Variants in KLF17 observed in about 807,000 individuals in gnomAD.
KLF17 encodes KLF transcription factor 17.
KLF17 carries 31 observed loss-of-function variants against 34.2 expected under a neutral mutation model. That is an observed-to-expected ratio of 0.91 (90% CI 0.68 to 1.22). KLF17 has a LOEUF of 1.22. KLF17 is among the 50% of genes most tolerant of loss of function. The pLI is 0.00. For synonymous variants in KLF17, 179 were observed against 186.7 expected, an observed-to-expected ratio of 0.96 and a Z score of 0.34; for missense variants, 478 against 505.2, an observed-to-expected ratio of 0.95 and a Z score of 0.52.
chr1:44,082,965 A>G, the KLF17 span, among the ~76,000 whole-genome samples: 9 of 141,856 alleles, frequency 6.3e-5, no homozygotes, highest in Admixed American at 6.5e-4. Flanking sequence ...TTTTTGAGAC[A>G]GGGTCTCACT....
chr1:44,121,261 C>T (rs192807561), intron 1 of KLF17, among the ~76,000 whole-genome samples: 9 of 152,186 alleles, frequency 5.9e-5, no homozygotes, highest in Admixed American at 1.3e-4. Flanking sequence ...GGATTACAGG[C>T]GTGTGCCACT....
the KLF17 span, among the ~76,000 whole-genome samples, chr1:44,084,669 G>C: frequency 7.5e-6 from 1 of 132,684 alleles, no homozygotes; most frequent in Non-Finnish European, 1.6e-5. Context: ...AACAGAGCAA[G>C]ATCTTGTCTC....
At chr1:44,096,268 C>G in the KLF17 span, among the ~76,000 whole-genome samples, 6 of 152,008 alleles carry the variant, frequency 3.9e-5, no homozygotes, top group Non-Finnish European at 8.8e-5. Flanking sequence ...TCTTCTAAAT[C>G]TAAGATTATA....
At chr1:44,132,303 CA>C (rs927539383) in intron 3 of KLF17, among the ~76,000 whole-genome samples, 28 of 150,256 alleles carry the variant, frequency 1.9e-4, no homozygotes, top group Non-Finnish European at 3.0e-4. Context: ...GACTCCATCT[CA>C]AAAAAAAAAT....
the KLF17 span, among the ~76,000 whole-genome samples, chr1:44,100,324 G>A: frequency 6.6e-6 from 1 of 151,958 alleles, no homozygotes; most frequent in Non-Finnish European, 1.5e-5. Flanking sequence ...GTCGGATGGG[G>A]TAGAAAGAAT....
the KLF17 span, among the ~76,000 whole-genome samples, chr1:44,068,502 A>C: frequency 6.6e-6 from 1 of 152,326 alleles, no homozygotes; most frequent in Admixed American, 6.5e-5. Context: ...ACTGGGGCAG[A>C]GAGAACCAAG....
intron 1 of KLF17, chr1:44,122,474 T>A: frequency 8.6e-7 from 1 of 1,156,342 alleles, no homozygotes; most frequent in Non-Finnish European, 1.3e-6. Context: ...TGGTTACAGT[T>A]TCATGACTCA....
chr1:44,130,787 TTTTTCC>T, intron 3 of KLF17, 31 bp downstream of exon 3: 1 of 1,599,902 alleles, frequency 6.3e-7, no homozygotes, highest in Non-Finnish European at 8.5e-7. Flanking sequence ...CTGGGTTTTC[TTTTTCC>T]TTTTTTCCTT....
At chr1:44,060,643 CTT>C in the KLF17 span, among the ~76,000 whole-genome samples, 3 of 152,068 alleles carry the variant, frequency 2.0e-5, no homozygotes, top group Non-Finnish European at 2.9e-5. Context: ...CCTAGGGTGG[CTT>C]TGCTTACCTA....
At chr1:44,128,344 G>A (rs1008074358) in intron 1 of KLF17, among the ~76,000 whole-genome samples, 1 of 152,092 alleles carries the variant, frequency 6.6e-6, no homozygotes, top group Non-Finnish European at 1.5e-5. Flanking sequence ...CGCTGCGCCT[G>A]GACTACTGAC....
chr1:44,108,366 A>AT, the KLF17 span, among the ~76,000 whole-genome samples: 2 of 151,866 alleles, frequency 1.3e-5, no homozygotes, highest in African/African-American at 4.8e-5. Flanking sequence ...CTGTTTCCCC[A>AT]TTTTTCCTTC....
rs1323564978 is a variant in KLF17, at chr1:44,133,952, C to A, written c.*715C>A. The A allele has an allele frequency of 1.3e-5, 2 of 152,276 alleles. No homozygotes were observed. Among genetic ancestry groups the A allele is most frequent in the African/African-American group, 4.8e-5 (2 of 41,446 alleles). 9.4% of individuals were successfully genotyped at this position (152,276 alleles called of 1,614,324 possible). ...GTCTTTCTACCAGGGCACCAGATCC[C>A]TTCCATGGAGCAGGTCATCTCGGGT... On this transcript the variant is annotated 3_prime_UTR_variant, in exon 4 of 4. Coordinates refer to ENST00000372299, the MANE Select transcript of KLF17 (RefSeq NM_173484.4).
chr1:44,129,523 A>AG lies in KLF17; in HGVS notation c.258dup (p.Pro87AlafsTer9), dbSNP rs777923330. 4.5e-5 allele frequency: 72 copies of AG among 1,612,860 alleles called. No homozygotes were observed. The South Asian group carries it at 5.3e-4, about 12-fold the overall frequency. ...AGGCGCCGGGGCAGAATGTGAATGA[A>AG]GGGGGGCCACAGTTCAGTATGCCAC... On this transcript the variant is annotated frameshift_variant, in exon 2 of 4. Coordinates refer to ENST00000372299, the MANE Select transcript of KLF17 (RefSeq NM_173484.4). LOFTEE classifies it high-confidence loss of function.
the KLF17 span, among the ~76,000 whole-genome samples, chr1:44,056,811 A>G: frequency 6.6e-6 from 1 of 152,126 alleles, no homozygotes; most frequent in Admixed American, 6.6e-5. Context: ...TTGGGACAAC[A>G]ATTAGATGTC....
chr1:44,109,898 T>TTTC, the KLF17 span, among the ~76,000 whole-genome samples: 1 of 880 alleles, frequency 1.1e-3, no homozygotes. Flanking sequence ...TTTTTTATAC[T>TTTC]TTTTTTTTTT....
chr1:44,086,338 T>C, the KLF17 span, among the ~76,000 whole-genome samples: 5 of 152,166 alleles, frequency 3.3e-5, no homozygotes, highest in African/African-American at 9.7e-5. Context: ...TGGTGGCGCA[T>C]GCCTGTAATC....
rs201635350 is a variant in KLF17, at chr1:44,118,966, A to G, written c.59A>G (p.Gln20Arg). 1,809 of 1,610,568 alleles carry G rather than the reference A, an allele frequency of 1.1e-3. 27 individuals carry two copies. The East Asian group carries it at 0.021, about 19-fold the overall frequency. Reference protein sequence around the residue: ...EQEAGELSRWQAAHQAAQDNE... With the variant: ...EQEAGELSRWRAAHQAAQDNE... Reference sequence around the variant, plus strand: ...GAGGCTGGGGAGCTGAGCCGGTGGCAGGCGGCGCACCAGGCTGCCCAGGTG... The same window carrying G: ...GAGGCTGGGGAGCTGAGCCGGTGGCGGGCGGCGCACCAGGCTGCCCAGGTG... The change falls in exon 1 of 4, where the codon CAG becomes CGG. Residue 20 changes from glutamine (Q) to arginine (R), a missense_variant. By Grantham distance (43) the Gln-to-Arg change is conservative. Transcript: ENST00000372299.
the KLF17 span, among the ~76,000 whole-genome samples, chr1:44,102,278 A>G: frequency 1.9e-3 from 287 of 152,198 alleles, no homozygotes; most frequent in African/African-American, 6.4e-3. Context: ...TCACACCCAT[A>G]ATCCCAGCAC....
In KLF17 at chr1:44,129,770, C is replaced by T; in HGVS notation, c.499C>T (p.Pro167Ser). ...GCCAGTCTCGGCTTCCACTGGAATC[C>T]CAATAATGTCCCACACTGGGAACCC... The part of the protein sequence containing the change: ...GLPVSASTGI[P>S]IMSHTGNPPV... Residue 167 changes from proline to serine, a missense_variant, in exon 2 of 4, where the codon CCA becomes TCA. Coordinates refer to ENST00000372299, the MANE Select transcript of KLF17 (RefSeq NM_173484.4). 1 of 1,614,144 alleles carries T rather than the reference C, an allele frequency of 6.2e-7. No individual in the cohort carries two copies. Among genetic ancestry groups the T allele is most frequent in the Non-Finnish European group, 8.5e-7 (1 of 1,180,026 alleles).
Sources: gnomAD v4.1 joint callset for allele counts (sites outside exome capture counted in the v4.1 genomes callset) on GRCh38, gnomAD v4.1.1 for gene constraint, MANE v1.5 for transcripts, NCBI Gene and HGNC (gene_info 2026-07-23, HGNC 2026-07-21) for gene names.